CUX2: variants seen among roughly 807,000 people sequenced by gnomAD.
CUX2 encodes the protein homeobox protein cut-like 2.
In CUX2, 40 loss-of-function variants were observed where a neutral mutation model predicts 144.8. The ratio of observed to expected loss-of-function variants is 0.28; its 90% CI spans 0.21 to 0.36. The LOEUF is 0.36. Among genes scored for constraint, CUX2 ranks in the 10% least tolerant of loss-of-function variants. CUX2 has a pLI of 1.00. For missense variants in CUX2, 1,615 were observed against 1,994.0 expected, an observed-to-expected ratio of 0.81 and a Z score of 3.62; for synonymous variants, 827 against 875.6, an observed-to-expected ratio of 0.94 and a Z score of 0.98.
intron 1 of CUX2, among the ~76,000 whole-genome samples, chr12:111,091,643 C>T (rs915177427): frequency 6.6e-6 from 1 of 152,192 alleles, no homozygotes; most frequent in Non-Finnish European, 1.5e-5. Flanking sequence ...AAATTACCAC[C>T]AACTAAAGGG....
At chr12:111,326,861 C>A (rs1157448266) in intron 18 of CUX2, among the ~76,000 whole-genome samples, 3 of 152,086 alleles carry the variant, frequency 2.0e-5, no homozygotes, top group Admixed American at 2.0e-4. Context: ...CCGGATGGCA[C>A]CACTGCACTG....
In CUX2 at chr12:111,191,306, ATTATTTATTTATTTAT is replaced by A. The variant is rs200077725; in HGVS notation, c.64-22867_64-22852del. Among the ~76,000 whole-genome samples the A allele has an allele frequency of 8.2e-3, 1,197 of 146,834 alleles. 12 individuals are homozygous for A. The highest frequency in any genetic ancestry group is 0.028 in the African/African-American group (1,126 of 39,864). Reference sequence around the variant, plus strand: ...CCACTATTATTGTTCTTATTCTTTTATTATTTATTTATTTATTTATTTATTTATTTATTTATTTATT... The same window carrying A: ...CCACTATTATTGTTCTTATTCTTTTATTATTTATTTATTTATTTATTTATT... On this transcript the variant is annotated intron_variant, in intron 1 of 21. Transcript: ENST00000261726.
At chr12:111,219,189 C>T (rs1190939779) in intron 3 of CUX2, among the ~76,000 whole-genome samples, 1 of 152,168 alleles carries the variant, frequency 6.6e-6, no homozygotes, top group Non-Finnish European at 1.5e-5. Flanking sequence ...ACTGGATTTA[C>T]ACAAATGTCG....
At chr12:111,167,205 G>A (rs1286362348) in intron 1 of CUX2, among the ~76,000 whole-genome samples, 2 of 152,192 alleles carry the variant, frequency 1.3e-5, no homozygotes, top group Non-Finnish European at 2.9e-5. Context: ...ACCAAGGGAA[G>A]CACCATCCCC....
At chr12:111,301,038 C>CAAAAAAAAAAAA (rs3061127) in intron 9 of CUX2, among the ~76,000 whole-genome samples, 2 of 106,544 alleles carry the variant, frequency 1.9e-5, no homozygotes, top group African/African-American at 6.1e-5. Context: ...GACCCTATCT[C>CAAAAAAAAAAAA]AAAAAAAAAA....
At chr12:111,054,111 G>T (rs1057105619) in intron 1 of CUX2, among the ~76,000 whole-genome samples, 4 of 152,130 alleles carry the variant, frequency 2.6e-5, no homozygotes, top group Non-Finnish European at 4.4e-5. Flanking sequence ...CCGAGATCGC[G>T]CCACTGCACT....
At chr12:111,318,613 G>T (rs1316978411) in intron 16 of CUX2, among the ~76,000 whole-genome samples, 2 of 149,258 alleles carry the variant, frequency 1.3e-5, no homozygotes, top group Non-Finnish European at 3.0e-5. Context: ...AAAAAAAAAA[G>T]ATTCATATCT....
intron 1 of CUX2, among the ~76,000 whole-genome samples, chr12:111,140,588 T>C (rs905166614): frequency 9.9e-5 from 15 of 152,220 alleles, no homozygotes; most frequent in Non-Finnish European, 2.1e-4. Context: ...CTAGATGTTC[T>C]CCATTTACAC....
Position 111,214,304 on chromosome 12 carries a change from A to G in CUX2, c.168A>G (p.Val56=). 1 of 1,570,298 alleles carries G rather than the reference A, an allele frequency of 6.4e-7. No individual in the cohort carries two copies. Among genetic ancestry groups the G allele is most frequent in the South Asian group, 1.1e-5 (1 of 87,848 alleles). ...IELRREFKKN[V]PEEIREMVAP... ...TCCGCCGGGAATTTAAGAAAAATGT[A>G]CCTGAGGTATGGTATATTTGCCGTT... Residue 56 remains valine, a synonymous_variant, in exon 2 of 22, where the codon GTA becomes GTG. Coordinates refer to ENST00000261726, the MANE Select transcript of CUX2 (RefSeq NM_015267.4).
Position 111,034,279 on chromosome 12 carries a change from C to T in CUX2, c.63+39C>T, listed in dbSNP as rs373434399. 1,310 of 1,270,866 alleles carry T rather than the reference C, an allele frequency of 1.0e-3. 4 individuals are homozygous for T. Among genetic ancestry groups the T allele is most frequent in the Middle Eastern group, 1.9e-3 (7 of 3,632 alleles). 78.7% of individuals were successfully genotyped at this position (1,270,866 alleles called of 1,614,324 possible). A position where few individuals can be genotyped will look rare whatever the true frequency, so the allele number is the denominator to read the frequency against. On this transcript the variant is annotated intron_variant, in intron 1 of 21. Transcript: ENST00000261726. The surrounding 1 kb of genome is among the most constrained non-coding windows in gnomAD (Gnocchi z 4.2). ...GCGCCGGCCGCGCGGCCGTGAGGAG[C>T]CCCCGGGCGCGCCCTGGGCGCATTG...
intron 1 of CUX2, among the ~76,000 whole-genome samples, chr12:111,043,209 T>G (rs1869832540): frequency 6.6e-6 from 1 of 152,172 alleles, no homozygotes; most frequent in South Asian, 2.1e-4. Flanking sequence ...ACATGCCATT[T>G]CACAGACGGG....
intron 1 of CUX2, among the ~76,000 whole-genome samples, chr12:111,206,216 C>A (rs796842133): frequency 4.6e-5 from 7 of 152,144 alleles, no homozygotes; most frequent in African/African-American, 1.7e-4. Context: ...CCCATGGTCC[C>A]AGCTACTTGG....
intron 3 of CUX2, among the ~76,000 whole-genome samples, chr12:111,261,874 C>T (rs375681945): frequency 3.7e-4 from 56 of 152,258 alleles, no homozygotes; most frequent in African/African-American, 1.3e-3. Flanking sequence ...CACTGCACTG[C>T]AGCCTGGGCA....
intron 1 of CUX2, among the ~76,000 whole-genome samples, chr12:111,110,185 A>G (rs1873857147): frequency 6.6e-6 from 1 of 151,708 alleles, no homozygotes; most frequent in Non-Finnish European, 1.5e-5. Context: ...TTGGCATTTT[A>G]CTGGGGAAGG....
At chr12:111,254,600 T>G (rs980182926) in intron 3 of CUX2, among the ~76,000 whole-genome samples, 9 of 152,174 alleles carry the variant, frequency 5.9e-5, no homozygotes, top group Non-Finnish European at 5.9e-5. Flanking sequence ...ACCTGAATGC[T>G]CAAAACGATT....
chr12:111,158,508 C>G (rs1234154367), intron 1 of CUX2, among the ~76,000 whole-genome samples: 1 of 147,738 alleles, frequency 6.8e-6, no homozygotes, highest in Non-Finnish European at 1.5e-5. Flanking sequence ...TGATCAGACA[C>G]TTGGAGAAAG....
At chr12:111,040,389 T>C (rs1283595887) in intron 1 of CUX2, among the ~76,000 whole-genome samples, 14 of 151,988 alleles carry the variant, frequency 9.2e-5, no homozygotes, top group Admixed American at 9.2e-4. Context: ...TCTCTCAATC[T>C]CTCTGGCTCC....
chr12:111,199,776 A>G (rs185149126), intron 1 of CUX2, among the ~76,000 whole-genome samples: 2 of 150,026 alleles, frequency 1.3e-5, no homozygotes, highest in East Asian at 3.9e-4. Context: ...CTATGTTTGT[A>G]CGTGTGTTTC....
Position 111,160,983 on chromosome 12 carries a change from G to A in CUX2, c.64-53217G>A, listed in dbSNP as rs1295668451. On this transcript the variant is annotated intron_variant, in intron 1 of 21. Transcript: ENST00000261726. The surrounding 1 kb of genome is among the most constrained non-coding windows in gnomAD (Gnocchi z 4.1). The stretch of plus-strand genomic sequence containing the variant: ...TGGCTATGGGTTTGAAACCTGAGAT[G>A]CCCATGGTCTCCCAGAGGGGTTATC... Among the ~76,000 whole-genome samples the A allele has an allele frequency of 6.6e-6, 1 of 152,162 alleles. No homozygotes were observed. The highest frequency in any genetic ancestry group is 1.5e-5 in the Non-Finnish European group (1 of 68,020).
Sources: allele counts gnomAD v4.1 joint callset (sites outside exome capture counted in the v4.1 genomes callset), GRCh38; gene constraint gnomAD v4.1.1; non-coding constraint Gnocchi (gnomAD v3.1); transcripts MANE v1.5; gene names NCBI Gene and HGNC (gene_info 2026-07-23, HGNC 2026-07-21).